PARP8: variants seen among roughly 807,000 people sequenced by gnomAD.
PARP8 encodes the protein protein mono-ADP-ribosyltransferase PARP8.
A neutral mutation model predicts 124.1 loss-of-function variants in PARP8; 51 were observed. That is an observed-to-expected ratio of 0.41 (90% CI 0.33 to 0.52). The LOEUF (loss-of-function observed/expected upper bound fraction) is 0.52. Among genes scored for constraint, PARP8 ranks in the 20% least tolerant of loss-of-function variants. PARP8 has a pLI of 0.21. For synonymous variants in PARP8, 391 were observed against 361.5 expected (o/e 1.08, Z -0.93); for missense variants, 860 against 1,018.9 (o/e 0.84, Z 2.12).
At chr5:50,669,568 C>T (rs1187538101) in intron 2 of PARP8, 1 of 152,058 alleles carries the variant, frequency 6.6e-6, no homozygotes, top group Non-Finnish European at 1.5e-5. Flanking sequence ...CTTATCTGTA[C>T]AATCAAAGGG....
At chr5:50,716,538 C>T (rs985676118) in intron 2 of PARP8, among the ~76,000 whole-genome samples, 1 of 152,040 alleles carries the variant, frequency 6.6e-6, no homozygotes, top group Non-Finnish European at 1.5e-5. Context: ...GTAGACTAGG[C>T]CCTTTTCTGT....
chr5:50,761,720 C>A, intron 5 of PARP8, 101 bp from the exon 6 acceptor site: 1 of 704,580 alleles, frequency 1.4e-6, no homozygotes, highest in Non-Finnish European at 2.3e-6. Context: ...TATATAAAAT[C>A]CATAATATAT....
At chr5:50,723,131 TA>T (rs1756069650) in intron 2 of PARP8, among the ~76,000 whole-genome samples, 1 of 152,158 alleles carries the variant, frequency 6.6e-6, no homozygotes, top group Admixed American at 6.6e-5. Context: ...AGTAGTAAGC[TA>T]AACATTTCTT....
intron 22 of PARP8, among the ~76,000 whole-genome samples, chr5:50,831,478 TAC>T (rs1746979656): frequency 6.6e-6 from 1 of 152,058 alleles, no homozygotes; most frequent in Non-Finnish European, 1.5e-5. Flanking sequence ...TCTCTGAAAA[TAC>T]AATATGCCAA....
At chr5:50,701,280 G>A (rs1458489313) in intron 2 of PARP8, among the ~76,000 whole-genome samples, 1 of 152,080 alleles carries the variant, frequency 6.6e-6, no homozygotes, top group Non-Finnish European at 1.5e-5. Flanking sequence ...GTGGCTATAA[G>A]GATATGTATA....
Position 50,797,010 on chromosome 5 carries a change from G to A in PARP8, c.1457G>A (p.Arg486Gln), listed in dbSNP as rs779550804. ...APNGAKCIPV[R>Q]DRGFLVQTIE... Reference sequence around the variant, plus strand: ...AATGGTGCAAAATGCATTCCAGTACGAGACCGTGGCTTCCTGGTGCAGGTA... The same window carrying A: ...AATGGTGCAAAATGCATTCCAGTACAAGACCGTGGCTTCCTGGTGCAGGTA... The change falls in exon 13 of 26, where the codon CGA becomes CAA. Residue 486 changes from arginine to glutamine, a missense_variant. Arg to Gln is a conservative substitution (Grantham distance 43). Around this residue, in one of 2 missense-constraint regions of PARP8, gnomAD observed 343 missense variants for 474.7 expected, o/e 0.72. Coordinates refer to ENST00000281631, the MANE Select transcript of PARP8 (RefSeq NM_024615.4). The A allele has an allele frequency of 3.7e-6, 6 of 1,612,006 alleles. No individual in the cohort carries two copies. Among genetic ancestry groups the A allele is most frequent in the East Asian group, 2.2e-5 (1 of 44,806 alleles).
intron 9 of PARP8, among the ~76,000 whole-genome samples, chr5:50,783,087 C>T (rs1232135539): frequency 6.6e-6 from 1 of 151,594 alleles, no homozygotes; most frequent in Non-Finnish European, 1.5e-5. Flanking sequence ...GAGCTGCAAC[C>T]ATGGAGAAGA....
chr5:50,828,220 C>A, intron 20 of PARP8, 92 bp from the exon 21 acceptor site: 1 of 1,335,986 alleles, frequency 7.5e-7, no homozygotes, highest in South Asian at 1.2e-5. Context: ...AATCCAGAAC[C>A]TTCAGAAGGC....
intron 8 of PARP8, among the ~76,000 whole-genome samples, 197 bp from the exon 9 acceptor site, chr5:50,778,363 G>T (rs568077916): frequency 6.6e-6 from 1 of 151,980 alleles, no homozygotes. Context: ...ACAATACTTC[G>T]TTATATTTTA....
chr5:50,786,031 A>G (rs1741208097), intron 9 of PARP8, among the ~76,000 whole-genome samples: 1 of 152,000 alleles, frequency 6.6e-6, no homozygotes, highest in Non-Finnish European at 1.5e-5. Context: ...GAAGATTCAC[A>G]TCAGCAAATA....
At chr5:50,827,835 T>C (rs1445551309) in intron 19 of PARP8, 109 bp from the exon 20 acceptor site, 4 of 762,192 alleles carry the variant, frequency 5.2e-6, no homozygotes, top group African/African-American at 1.8e-5. Flanking sequence ...GGAAAATTAC[T>C]ATAGTTTGAA....
intron 9 of PARP8, among the ~76,000 whole-genome samples, chr5:50,780,290 C>A (rs2149614204): frequency 6.6e-6 from 1 of 152,116 alleles, no homozygotes. Flanking sequence ...TAACTTTTTT[C>A]TTATTTTAGT....
In PARP8 at chr5:50,693,959, A is replaced by G. The variant is rs544597043; in HGVS notation, c.146+25834A>G. On this transcript the variant is annotated intron_variant, in intron 2 of 25. Transcript: ENST00000281631. ...TGCTTTCTCTCACTCTCATACTTTTATTTATTATGTATAAAGAAGGATTAT... is the reference window on the plus strand; with the variant it reads ...TGCTTTCTCTCACTCTCATACTTTTGTTTATTATGTATAAAGAAGGATTAT... Among the ~76,000 whole-genome samples the G allele has an allele frequency of 3.9e-5, 6 of 152,068 alleles. No individual in the cohort carries two copies. In the South Asian group the frequency reaches 1.2e-3, roughly 31 times the overall value.
chr5:50,781,792 G>T lies in PARP8; in HGVS notation c.670+3142G>T, dbSNP rs542516086. 2.6e-5 allele frequency among the ~76,000 whole-genome samples: 4 copies of T among 152,164 alleles called. No individual in the cohort carries two copies. In the South Asian group the frequency reaches 6.2e-4, roughly 24 times the overall value. Reference sequence around the variant, plus strand: ...CAGTGGCCTAGCTACTCTGTTTCAGGTCTGTACAAATTCTAAGTTGTAATG... The same window carrying T: ...CAGTGGCCTAGCTACTCTGTTTCAGTTCTGTACAAATTCTAAGTTGTAATG... On this transcript the variant is annotated intron_variant, in intron 9 of 25. Coordinates refer to ENST00000281631, the MANE Select transcript of PARP8 (RefSeq NM_024615.4).
chr5:50,811,923 CTTTT>C (rs1355641589), intron 14 of PARP8, among the ~76,000 whole-genome samples: 2 of 152,064 alleles, frequency 1.3e-5, no homozygotes, highest in Non-Finnish European at 2.9e-5. Flanking sequence ...TGAACTCATC[CTTTT>C]TTATGGCTGC....
chr5:50,685,234 C>G (rs1410440163), intron 2 of PARP8, among the ~76,000 whole-genome samples: 4 of 152,124 alleles, frequency 2.6e-5, no homozygotes, highest in African/African-American at 9.7e-5. Context: ...ACAGAATACC[C>G]AACTCAGACT....
intron 25 of PARP8, among the ~76,000 whole-genome samples, chr5:50,836,395 A>G (rs1296723227): frequency 2.6e-5 from 4 of 152,184 alleles, no homozygotes; most frequent in Non-Finnish European, 4.4e-5. Context: ...TTTTTGGGTC[A>G]TCCACAATTA....
At chr5:50,671,201 A>G (rs557996800) in intron 2 of PARP8, among the ~76,000 whole-genome samples, 3 of 152,348 alleles carry the variant, frequency 2.0e-5, no homozygotes, top group Admixed American at 1.3e-4. Flanking sequence ...CTGATTAGCA[A>G]TAAACTCCTT....
chr5:50,750,134 TTTG>T lies in PARP8; in HGVS notation c.147-14_147-12del. The T allele has an allele frequency of 6.4e-7, 1 of 1,570,106 alleles. No homozygotes were observed. Among genetic ancestry groups the T allele is most frequent in the Non-Finnish European group, 8.7e-7 (1 of 1,147,364 alleles). On this transcript the variant is annotated splice_polypyrimidine_tract_variant and intron_variant, in intron 2 of 25. Transcript: ENST00000281631. ...TTAGCAATAACTTGAGCCTTTTTTG[TTTG>T]TTTGTTTTAACAGTGTATCCTACTC... is the stretch of plus-strand genomic sequence containing the variant.
Sources: allele counts gnomAD v4.1 joint callset (sites outside exome capture counted in the v4.1 genomes callset), GRCh38; gene constraint gnomAD v4.1.1; regional missense constraint gnomAD v4.1.1; transcripts MANE v1.5; gene names NCBI Gene and HGNC (gene_info 2026-07-23, HGNC 2026-07-21).